Variants in PTK2B observed in about 807,000 individuals in gnomAD.
The protein encoded by PTK2B is protein-tyrosine kinase 2-beta.
Under a neutral mutation model 142.9 loss-of-function variants are expected in PTK2B, and 71 were observed. That is an observed-to-expected ratio of 0.50 (90% CI 0.41 to 0.61). The LOEUF is 0.61. Ranked by LOEUF, PTK2B falls within the 20% of genes least tolerant of loss-of-function variation. PTK2B has a pLI of 0.00. For missense variants in PTK2B, 1,105 were observed against 1,320.4 expected (o/e 0.84, Z 2.53); for synonymous variants, 519 against 503.4 (o/e 1.03, Z -0.42).
upstream of PTK2B, among the ~76,000 whole-genome samples, chr8:27,324,555 G>C (rs749854219): frequency 1.3e-5 from 2 of 152,242 alleles, no homozygotes; most frequent in Non-Finnish European, 2.9e-5. Flanking sequence ...ATGGGAAGGA[G>C]TCAGTGCAAT....
chr8:27,344,530 T>G (rs1408727434), intron 1 of PTK2B, among the ~76,000 whole-genome samples: 1 of 152,270 alleles, frequency 6.6e-6, no homozygotes, highest in Non-Finnish European at 1.5e-5. Flanking sequence ...ATTGGTGTGC[T>G]GCATGTAATA....
rs1810414896 is a variant in PTK2B, at chr8:27,431,431, G to C, written c.844G>C (p.Gly282Arg). Residue 282 changes from glycine (G) to arginine (R), a missense_variant, in exon 9 of 31, where the codon GGC becomes CGC. Coordinates refer to ENST00000346049, the MANE Select transcript of PTK2B (RefSeq NM_173176.3). ...GWNITVDLVI[G>R]PKGIRQLTSQ... The stretch of plus-strand genomic sequence containing the variant: ...GAACATTACTGTGGACCTGGTCATT[G>C]GCCCTAAAGGGATCCGCCAGCTGAC... The C allele has an allele frequency of 2.5e-6, 4 of 1,614,074 alleles. No individual in the cohort carries two copies. The highest frequency in any genetic ancestry group is 3.4e-6 in the Non-Finnish European group (4 of 1,180,044).
intron 5 of PTK2B, among the ~76,000 whole-genome samples, chr8:27,424,188 C>G (rs1005378744): frequency 2.6e-5 from 4 of 152,100 alleles, no homozygotes; most frequent in East Asian, 3.8e-4. Context: ...TTTGAGACAC[C>G]TATCACTTGT....
intron 1 of PTK2B, among the ~76,000 whole-genome samples, chr8:27,359,406 G>A (rs1805571342): frequency 6.6e-6 from 1 of 152,186 alleles, no homozygotes; most frequent in Non-Finnish European, 1.5e-5. Context: ...GTGAGCCACT[G>A]CACCTGGCCT....
intron 1 of PTK2B, among the ~76,000 whole-genome samples, chr8:27,333,267 A>G (rs1004781451): frequency 6.6e-6 from 1 of 152,228 alleles, no homozygotes; most frequent in African/African-American, 2.4e-5. Flanking sequence ...GGAACGGAAG[A>G]TAAGGCTTGG....
intron 1 of PTK2B, among the ~76,000 whole-genome samples, chr8:27,347,980 T>C (rs775987683): frequency 2.5e-4 from 38 of 152,216 alleles, no homozygotes; most frequent in Non-Finnish European, 4.4e-4. Context: ...TCCTTCTCTC[T>C]GAAGCAGCCC....
chr8:27,319,117 A>G (rs1803151899), intron 3 of PTK2B, among the ~76,000 whole-genome samples: 1 of 152,156 alleles, frequency 6.6e-6, no homozygotes, highest in Non-Finnish European at 1.5e-5. Context: ...CTCTGTGGAA[A>G]GATCTTATTT....
chr8:27,432,469 CT>C, intron 10 of PTK2B, 108 bp downstream of exon 10: 5 of 987,570 alleles, frequency 5.1e-6, no homozygotes, highest in Middle Eastern at 2.9e-4. Flanking sequence ...AAGCCAGGAG[CT>C]TCCTGGCTTT....
At chr8:27,444,419 A>G in intron 23 of PTK2B, 148 bp downstream of exon 23, 2 of 824,808 alleles carry the variant, frequency 2.4e-6, no homozygotes, top group East Asian at 2.7e-5. Flanking sequence ...CCAGAACAGA[A>G]TGCAGACTCA....
chr8:27,429,570 C>T (rs960023940), intron 5 of PTK2B, among the ~76,000 whole-genome samples: 1 of 152,176 alleles, frequency 6.6e-6, no homozygotes, highest in African/African-American at 2.4e-5. Flanking sequence ...ATAGCTGCCT[C>T]CTCTGGTAAG....
intron 1 of PTK2B, among the ~76,000 whole-genome samples, chr8:27,349,738 C>T (rs561336090): frequency 1.3e-5 from 2 of 152,332 alleles, no homozygotes; most frequent in South Asian, 4.1e-4. Flanking sequence ...ATAATTTTCT[C>T]GGACAAACCT....
intron 27 of PTK2B, 80 bp from the exon 28 acceptor site, chr8:27,453,034 C>G: frequency 6.6e-7 from 1 of 1,522,036 alleles, no homozygotes; most frequent in Non-Finnish European, 9.1e-7. Flanking sequence ...GGGGAAGGGG[C>G]TCATTTGATG....
chr8:27,428,832 C>T (rs2131984300), intron 5 of PTK2B, among the ~76,000 whole-genome samples: 1 of 152,272 alleles, frequency 6.6e-6, no homozygotes, highest in East Asian at 1.9e-4. Flanking sequence ...TTCAAAGATA[C>T]CATTTATTAA....
intron 1 of PTK2B, among the ~76,000 whole-genome samples, chr8:27,368,612 A>G (rs185574852): frequency 6.6e-6 from 1 of 152,356 alleles, no homozygotes; most frequent in East Asian, 1.9e-4. Context: ...TTACATGTGC[A>G]ATCACACACA....
intron 1 of PTK2B, among the ~76,000 whole-genome samples, chr8:27,366,685 T>TC (rs1169432335): frequency 2.0e-5 from 3 of 152,004 alleles, no homozygotes; most frequent in Admixed American, 6.6e-5. Context: ...CCAGCCCATT[T>TC]CCCCCCGAGG....
intron 27 of PTK2B, 157 bp downstream of exon 27, chr8:27,451,666 T>C (rs767978832): frequency 6.7e-7 from 1 of 1,486,016 alleles, no homozygotes; most frequent in Non-Finnish European, 9.0e-7. Flanking sequence ...GCAGGCCAGC[T>C]TCCCCTCCGC....
chr8:27,414,776 C>A (rs143916924), intron 2 of PTK2B, among the ~76,000 whole-genome samples: 36 of 152,202 alleles, frequency 2.4e-4, no homozygotes, highest in Middle Eastern at 3.4e-3. Flanking sequence ...ACATTTACTT[C>A]TTTGCTCACT....
intron 2 of PTK2B, 115 bp downstream of exon 2, chr8:27,397,903 A>G: frequency 3.2e-6 from 4 of 1,258,102 alleles, no homozygotes; most frequent in Non-Finnish European, 4.5e-6. Flanking sequence ...TGGGTGGAAG[A>G]GGTGAGGTGG....
At chr8:27,387,991 T>G (rs1807476357) in intron 1 of PTK2B, among the ~76,000 whole-genome samples, 1 of 152,162 alleles carries the variant, frequency 6.6e-6, no homozygotes, top group Non-Finnish European at 1.5e-5. Context: ...ATGCTTCTTG[T>G]TTAATAACCA....
Sources: allele counts gnomAD v4.1 joint callset (sites outside exome capture counted in the v4.1 genomes callset), GRCh38; gene constraint gnomAD v4.1.1; transcripts MANE v1.5; gene names NCBI Gene and HGNC (gene_info 2026-07-23, HGNC 2026-07-21).